RTRAF: variants seen among roughly 807,000 people sequenced by gnomAD.
The protein encoded by RTRAF is RNA transcription, translation and transport factor.
Under a neutral mutation model 34.4 loss-of-function variants are expected in RTRAF, and 14 were observed. That is an observed-to-expected ratio of 0.41 (90% CI 0.27 to 0.64). RTRAF has a LOEUF of 0.64. Among genes scored for constraint, RTRAF ranks in the 30% least tolerant of loss-of-function variants. RTRAF has a pLI of 0.34. For synonymous variants in RTRAF, 96 were observed against 95.3 expected (o/e 1.01, Z -0.04); for missense variants, 291 against 288.4 (o/e 1.01, Z -0.06).
Position 51,991,312 on chromosome 14 carries a change from T to G in RTRAF, c.62-5T>G. The G allele has an allele frequency of 6.2e-7, 1 of 1,612,336 alleles. No individual in the cohort carries two copies. Among genetic ancestry groups the G allele is most frequent in the Non-Finnish European group, 8.5e-7 (1 of 1,178,782 alleles). On this transcript the variant is annotated splice_polypyrimidine_tract_variant and splice_region_variant and intron_variant, in intron 1 of 7. Transcript: ENST00000261700. ...TAGTTATTTATGTGATATTTTTTAT[T>G]GCAGATGAAACAGAATTTAGAAACT... is the stretch of plus-strand genomic sequence containing the variant.
chr14:51,995,566 C>T (rs1273572095), intron 3 of RTRAF, among the ~76,000 whole-genome samples: 1 of 152,116 alleles, frequency 6.6e-6, no homozygotes, highest in Non-Finnish European at 1.5e-5. Context: ...AGGACATGGA[C>T]ATCTTGGGGG....
intron 1 of RTRAF, among the ~76,000 whole-genome samples, chr14:51,990,589 A>C (rs1890416572): frequency 6.6e-6 from 1 of 152,216 alleles, no homozygotes; most frequent in Admixed American, 6.5e-5. Flanking sequence ...TCAAATTATA[A>C]TCTATTGTTT....
At position 52,006,024 on chromosome 14, in the gene RTRAF, A is replaced by G; in HGVS notation, c.*1508A>G. The G allele has an allele frequency of 1.7e-6, 1 of 594,476 alleles. No individual in the cohort carries two copies. Among genetic ancestry groups the G allele is most frequent in the Non-Finnish European group, 3.0e-6 (1 of 328,942 alleles). The allele number at this position is 594,476 out of a possible 1,614,324, so 36.8% of individuals were successfully genotyped here. Reference sequence around the variant, plus strand: ...GACCATTGCTCTAAATCCATTGCTCATCTCTAGCTGCATGTTAGAATCACA... The same window carrying G: ...GACCATTGCTCTAAATCCATTGCTCGTCTCTAGCTGCATGTTAGAATCACA... On this transcript the variant is annotated 3_prime_UTR_variant, in exon 8 of 8. Coordinates refer to ENST00000261700, the MANE Select transcript of RTRAF (RefSeq NM_016039.3).
Position 51,989,572 on chromosome 14 carries a change from C to A in RTRAF, c.-68C>A. The A allele has an allele frequency of 6.6e-7, 1 of 1,512,944 alleles. No homozygotes were observed. The highest frequency in any genetic ancestry group is 2.5e-5 in the East Asian group (1 of 39,228). 93.7% of individuals were successfully genotyped at this position (1,512,944 alleles called of 1,614,324 possible). ...TCTCGCCGCGTCGCCGGTGCCTGCG[C>A]CTCCCGCTCCACCTCGCTTCTTCTC... is the stretch of plus-strand genomic sequence containing the variant. On this transcript the variant is annotated 5_prime_UTR_variant, in exon 1 of 8. Transcript: ENST00000261700.
intron 5 of RTRAF, among the ~76,000 whole-genome samples, chr14:52,000,286 A>T (rs1266127798): frequency 2.0e-5 from 3 of 152,102 alleles, no homozygotes; most frequent in Admixed American, 6.5e-5. Context: ...ATAACCCCAA[A>T]ATCTCTTTGA....
Position 52,001,877 on chromosome 14 carries a change from A to G in RTRAF, c.531+11A>G, listed in dbSNP as rs1423321827. Reference sequence around the variant, plus strand: ...AATCAAACAAAAGAGGTACGTTTCTATAAATCCTAAATAAGTTGTTAATGA... The same window carrying G: ...AATCAAACAAAAGAGGTACGTTTCTGTAAATCCTAAATAAGTTGTTAATGA... On this transcript the variant is annotated intron_variant, in intron 6 of 7. Coordinates refer to ENST00000261700, the MANE Select transcript of RTRAF (RefSeq NM_016039.3). The G allele has an allele frequency of 3.7e-6, 6 of 1,603,162 alleles. No individual in the cohort carries two copies. The highest frequency in any genetic ancestry group is 5.1e-6 in the Non-Finnish European group (6 of 1,174,948).
Position 52,004,797 on chromosome 14 carries a change from T to TTAAGTCATAGGAAAACTTAAAACACTTTA in RTRAF, c.*283_*311dup, listed in dbSNP as rs1306677275. ...TTTGTCCTAGAGACAATATAGATCCTTAAGTCATAGGAAAACTTAAAACAC... is the reference window on the plus strand; with the variant it reads ...TTTGTCCTAGAGACAATATAGATCCTTAAGTCATAGGAAAACTTAAAACACTTTATAAGTCATAGGAAAACTTAAAACAC... On this transcript the variant is annotated 3_prime_UTR_variant, in exon 8 of 8. Transcript: ENST00000261700. 7 of 273,506 alleles carry TTAAGTCATAGGAAAACTTAAAACACTTTA rather than the reference T, an allele frequency of 2.6e-5. No individual in the cohort carries two copies. The highest frequency in any genetic ancestry group is 4.7e-5 in the Non-Finnish European group (7 of 148,310). The allele number at this position is 273,506 out of a possible 1,614,324, so 16.9% of individuals were successfully genotyped here. A position where few individuals can be genotyped will look rare whatever the true frequency, so the allele number is the denominator to read the frequency against.
chr14:51,989,612 CG>C lies in RTRAF; in HGVS notation c.-23del. 2 of 1,588,448 alleles carry C rather than the reference CG, an allele frequency of 1.3e-6. No individual in the cohort carries two copies. Among genetic ancestry groups the C allele is most frequent in the African/African-American group, 1.4e-5 (1 of 74,002 alleles). ...CGCTTCTTCTCTCCCGGCCGAGGCCCGGGGGACCAGAGCGAGAAGCGGGGAC... is the reference window on the plus strand; with the variant it reads ...CGCTTCTTCTCTCCCGGCCGAGGCCCGGGGACCAGAGCGAGAAGCGGGGAC... On this transcript the variant is annotated 5_prime_UTR_variant, in exon 1 of 8. Transcript: ENST00000261700.
In RTRAF at chr14:52,005,530, T is replaced by C; in HGVS notation, c.*1014T>C. Reference sequence around the variant, plus strand: ...GAAGAGCAGGGGTGGGACAGGGTGGTGGGTGAGTATATTGTAACCAAGTTG... The same window carrying C: ...GAAGAGCAGGGGTGGGACAGGGTGGCGGGTGAGTATATTGTAACCAAGTTG... On this transcript the variant is annotated 3_prime_UTR_variant, in exon 8 of 8. Coordinates refer to ENST00000261700, the MANE Select transcript of RTRAF (RefSeq NM_016039.3). The C allele has an allele frequency of 6.3e-7, 1 of 1,590,714 alleles. No homozygotes were observed. The highest frequency in any genetic ancestry group is 8.5e-7 in the Non-Finnish European group (1 of 1,170,768).
rs116447568 is a variant in RTRAF, at chr14:52,006,207, G to A, written c.*1691G>A. 528 of 392,654 alleles carry A rather than the reference G, an allele frequency of 1.3e-3. 4 individuals are homozygous for A. The highest frequency in any genetic ancestry group is 9.6e-3 in the African/African-American group (477 of 49,544). 24.3% of individuals were successfully genotyped at this position (392,654 alleles called of 1,614,324 possible). A position where few individuals can be genotyped will look rare whatever the true frequency, so the allele number is the denominator to read the frequency against. ...AAGCCAACTTAAGCCCTGTAATATA[G>A]CTCATGGTATCAAGGGTAGTCTTAT... On this transcript the variant is annotated 3_prime_UTR_variant, in exon 8 of 8. Transcript: ENST00000261700.
rs1890578310 is a variant in RTRAF, at chr14:52,000,125, C to T, written c.462+329C>T. 3.3e-5 allele frequency among the ~76,000 whole-genome samples: 5 copies of T among 152,032 alleles called. 1 individual carries two copies. In the South Asian group the frequency reaches 1.0e-3, roughly 31 times the overall value. ...TAAGATGACACAGAAAATGACAGAG[C>T]CAGGATTTTAAGCACTATAACCCTG... On this transcript the variant is annotated intron_variant, in intron 5 of 7. Coordinates refer to ENST00000261700, the MANE Select transcript of RTRAF (RefSeq NM_016039.3).
At chr14:51,997,162 T>TG (rs1890534007) in intron 3 of RTRAF, among the ~76,000 whole-genome samples, 1 of 152,042 alleles carries the variant, frequency 6.6e-6, no homozygotes, top group South Asian at 2.1e-4. Context: ...ATATATCTTG[T>TG]GGGGAGGTAC....
chr14:52,002,636 T>C (rs1890618167), intron 6 of RTRAF, among the ~76,000 whole-genome samples: 1 of 152,210 alleles, frequency 6.6e-6, no homozygotes, highest in East Asian at 1.9e-4. Flanking sequence ...GCCTAAAGTT[T>C]CACTGGCTGT....
chr14:52,000,416 A>T (rs1169967993), intron 5 of RTRAF, among the ~76,000 whole-genome samples: 1 of 152,144 alleles, frequency 6.6e-6, no homozygotes, highest in East Asian at 1.9e-4. Context: ...ACTTCAGAAG[A>T]TTTATTCCTA....
intron 3 of RTRAF, among the ~76,000 whole-genome samples, chr14:51,994,961 T>C (rs1196798598): frequency 6.6e-6 from 1 of 152,068 alleles, no homozygotes; most frequent in Middle Eastern, 3.4e-3. Context: ...ACCCATCTTT[T>C]TAAGATCCAT....
chr14:51,989,984 G>A (rs1018786813), intron 1 of RTRAF, among the ~76,000 whole-genome samples: 28 of 152,194 alleles, frequency 1.8e-4, no homozygotes, highest in African/African-American at 6.8e-4. Context: ...GAGAGCATTC[G>A]TCTTTCTCAC....
chr14:52,002,370 G>C (rs1231389698), intron 6 of RTRAF, among the ~76,000 whole-genome samples: 1 of 152,182 alleles, frequency 6.6e-6, no homozygotes, highest in Non-Finnish European at 1.5e-5. Flanking sequence ...CTGAGCTCAG[G>C]CAGTCTGACT....
In RTRAF at chr14:51,997,378, A is replaced by G. The variant is rs2140329056; in HGVS notation, c.287-1116A>G. On this transcript the variant is annotated intron_variant, in intron 3 of 7. Transcript: ENST00000261700. ...TACTTGTTTAAATCAGTATAGATAC[A>G]TGGATTTTTATTTTATTCAATGGAT... Among the ~76,000 whole-genome samples, 2 of 151,994 alleles carry G rather than the reference A, an allele frequency of 1.3e-5. 1 individual carries two copies. Among genetic ancestry groups the G allele is most frequent in the Non-Finnish European group, 2.9e-5 (2 of 67,828 alleles).
chr14:51,994,725 A>T (rs1363456721), intron 3 of RTRAF, among the ~76,000 whole-genome samples: 1 of 152,180 alleles, frequency 6.6e-6, no homozygotes, highest in African/African-American at 2.4e-5. Flanking sequence ...TAATAAACAT[A>T]CATATCCATA....
Sources: gnomAD v4.1 joint callset for allele counts (sites outside exome capture counted in the v4.1 genomes callset) on GRCh38, gnomAD v4.1.1 for gene constraint, MANE v1.5 for transcripts, NCBI Gene and HGNC (gene_info 2026-07-23, HGNC 2026-07-21) for gene names.